THSD4: variants seen among roughly 807,000 people sequenced by gnomAD.
THSD4 encodes thrombospondin type 1 domain containing 4, also known as thrombospondin type-1 domain-containing protein 4.
THSD4 carries 69 observed loss-of-function variants against 119.0 expected under a neutral mutation model. The ratio of observed to expected loss-of-function variants is 0.58; its 90% CI spans 0.48 to 0.71. THSD4 has a LOEUF of 0.71. THSD4 is among the 30% of genes least tolerant of loss of function. The probability of loss-of-function intolerance (pLI) is 0.00; values close to 1 mark genes in which losing one functional copy is unlikely to be tolerated. For synonymous variants in THSD4, 524 were observed against 540.4 expected, an observed-to-expected ratio of 0.97 and a Z score of 0.42; for missense variants, 1,393 against 1,391.1, an observed-to-expected ratio of 1.00 and a Z score of -0.02.
chr15:71,195,670 C>T (rs773874754), intron 3 of THSD4, among the ~76,000 whole-genome samples: 35 of 152,096 alleles, frequency 2.3e-4, no homozygotes, highest in Non-Finnish European at 3.8e-4. Context: ...TGAAGCCCTT[C>T]GAGCTAAGGG....
chr15:71,632,024 G>A (rs951333544), intron 7 of THSD4, among the ~76,000 whole-genome samples: 37 of 152,080 alleles, frequency 2.4e-4, no homozygotes, highest in African/African-American at 8.2e-4. Flanking sequence ...CCTGAGCCTC[G>A]GTTTTCCCAT....
intron 3 of THSD4, among the ~76,000 whole-genome samples, chr15:71,183,552 G>A (rs1041445280): frequency 6.6e-6 from 1 of 151,618 alleles, no homozygotes. Context: ...CAGATAAGGG[G>A]TTTAGAATGT....
rs143910718 is a variant in THSD4 at position 71,766,323 on chromosome 15, G to T, written c.2769+1124G>T. On this transcript the variant is annotated intron_variant, in intron 16 of 17. Coordinates refer to ENST00000261862, the MANE Select transcript of THSD4 (RefSeq NM_024817.3). ...AGGTGACCATTGGCGTAGTTCTGTG[G>T]GTTGGGGTGGGAAGTGGAGGAAGGG... Among the ~76,000 whole-genome samples, 296 of 152,208 alleles carry T rather than the reference G, an allele frequency of 1.9e-3. 1 individual carries two copies. Among genetic ancestry groups the T allele is most frequent in the African/African-American group, 6.4e-3 (265 of 41,542 alleles).
intron 7 of THSD4, among the ~76,000 whole-genome samples, chr15:71,525,702 C>A (rs1398920398): frequency 6.6e-6 from 1 of 152,228 alleles, no homozygotes; most frequent in African/African-American, 2.4e-5. Context: ...ATGAAGAAGT[C>A]TGTGTCCTAA....
At chr15:71,145,224 A>G (rs1451792485) in intron 2 of THSD4, among the ~76,000 whole-genome samples, 1 of 152,174 alleles carries the variant, frequency 6.6e-6, no homozygotes, top group Non-Finnish European at 1.5e-5. Context: ...TTATATTTCA[A>G]GTGAAAGCAA....
chr15:71,394,624 A>G (rs1306945417), intron 6 of THSD4, among the ~76,000 whole-genome samples: 1 of 152,080 alleles, frequency 6.6e-6, no homozygotes, highest in African/African-American at 2.4e-5. Flanking sequence ...GGCTGGTGCT[A>G]CTGCTTGGGA....
chr15:71,578,152 T>C (rs961279145), intron 7 of THSD4, among the ~76,000 whole-genome samples: 4 of 148,818 alleles, frequency 2.7e-5, no homozygotes, highest in African/African-American at 9.8e-5. Context: ...TATCTATCTA[T>C]ATAGTATATA....
chr15:71,658,910 G>A (rs910081347), intron 7 of THSD4, among the ~76,000 whole-genome samples: 9 of 152,214 alleles, frequency 5.9e-5, no homozygotes, highest in African/African-American at 2.2e-4. Context: ...CCCAAGGGCA[G>A]TGCCTGCAGA....
chr15:71,579,079 G>A (rs931437346), intron 7 of THSD4, among the ~76,000 whole-genome samples: 4 of 151,934 alleles, frequency 2.6e-5, no homozygotes, highest in Admixed American at 6.6e-5. Context: ...TCCTGACCTC[G>A]TGATCCACCC....
rs539508264 is a variant in THSD4 at position 71,608,678 on chromosome 15, T to A, written c.1153-51852T>A. On this transcript the variant is annotated intron_variant, in intron 7 of 17. Transcript: ENST00000261862. ...GCCATGAGCATTTTAAGTGTCTTGA[T>A]CCCTATCAAAGGTAAATGGCTTTCC... Among the ~76,000 whole-genome samples the A allele has an allele frequency of 2.6e-5, 4 of 152,330 alleles. No individual in the cohort carries two copies. In the East Asian group the frequency reaches 7.7e-4, roughly 29 times the overall value.
chr15:71,263,740 A>G (rs1294706824), intron 6 of THSD4, among the ~76,000 whole-genome samples: 2 of 152,186 alleles, frequency 1.3e-5, no homozygotes, highest in Non-Finnish European at 2.9e-5. Flanking sequence ...GTTTCTGCTC[A>G]CATCTCATTG....
At chr15:71,267,762 G>A (rs187617189) in intron 6 of THSD4, among the ~76,000 whole-genome samples, 112 of 152,208 alleles carry the variant, frequency 7.4e-4, no homozygotes, top group African/African-American at 2.3e-3. Context: ...AGGGATGGAG[G>A]AATATTTACC....
At chr15:71,369,903 C>T (rs1371124125) in intron 6 of THSD4, among the ~76,000 whole-genome samples, 1 of 152,134 alleles carries the variant, frequency 6.6e-6, no homozygotes, top group Non-Finnish European at 1.5e-5. Flanking sequence ...GTGAATCCGT[C>T]TGGTCCTGGA....
intron 6 of THSD4, among the ~76,000 whole-genome samples, chr15:71,289,644 T>C (rs2044764920): frequency 6.6e-6 from 1 of 152,166 alleles, no homozygotes; most frequent in Non-Finnish European, 1.5e-5. Flanking sequence ...TTATTATAAT[T>C]ATCTGGATAC....
intron 7 of THSD4, among the ~76,000 whole-genome samples, chr15:71,412,089 C>T (rs964568137): frequency 1.3e-5 from 2 of 152,198 alleles, no homozygotes; most frequent in African/African-American, 4.8e-5. Flanking sequence ...ACAAGGGACA[C>T]AGCAATCTTT....
intron 6 of THSD4, among the ~76,000 whole-genome samples, chr15:71,282,403 A>T (rs1332128410): frequency 2.1e-5 from 2 of 96,432 alleles, no homozygotes; most frequent in East Asian, 4.3e-4. Flanking sequence ...AATAAAATTT[A>T]AAAAAGGAAG....
chr15:71,138,620 C>T (rs533300530), intron 1 of THSD4, among the ~76,000 whole-genome samples: 51 of 152,148 alleles, frequency 3.4e-4, no homozygotes, highest in African/African-American at 1.1e-3. Flanking sequence ...CCACTCCTCA[C>T]AAGAGCCTCC....
intron 6 of THSD4, among the ~76,000 whole-genome samples, chr15:71,324,754 G>A (rs920008699): frequency 2.0e-5 from 3 of 152,148 alleles, no homozygotes; most frequent in Admixed American, 2.0e-4. Flanking sequence ...ATCGTGAATT[G>A]TGCTGCAATA....
intron 7 of THSD4, among the ~76,000 whole-genome samples, chr15:71,510,610 G>T (rs955265058): frequency 6.6e-6 from 1 of 152,148 alleles, no homozygotes; most frequent in African/African-American, 2.4e-5. Flanking sequence ...GGGAGATGTG[G>T]CAATGCTGCT....
Sources: gnomAD v4.1 joint callset for allele counts (sites outside exome capture counted in the v4.1 genomes callset) on GRCh38, gnomAD v4.1.1 for gene constraint, MANE v1.5 for transcripts, NCBI Gene and HGNC (gene_info 2026-07-23, HGNC 2026-07-21) for gene names.